Variants in WWOX observed in about 807,000 individuals in gnomAD.
WWOX encodes WW domain containing oxidoreductase.
WWOX carries 69 observed loss-of-function variants against 46.2 expected under a neutral mutation model. That is an observed-to-expected ratio of 1.49 (90% CI 1.23 to 1.82). WWOX has a LOEUF of 1.82. Among genes scored for constraint, WWOX ranks in the 40% most tolerant of loss-of-function variants. The probability of loss-of-function intolerance (pLI) is 0.00; values close to 1 mark genes in which losing one functional copy is unlikely to be tolerated. For synonymous variants in WWOX, 359 were observed against 202.6 expected (o/e 1.77, Z -6.56); for missense variants, 919 against 542.6 (o/e 1.69, Z -6.89).
chr16:78,155,641 A>G (rs1262344846), intron 4 of WWOX, among the ~76,000 whole-genome samples: 1 of 152,226 alleles, frequency 6.6e-6, no homozygotes, highest in East Asian at 1.9e-4. Context: ...CACTCTTGCC[A>G]TCTCCATGCA....
chr16:78,724,574 T>C (rs2048779310), intron 8 of WWOX, among the ~76,000 whole-genome samples: 2 of 152,200 alleles, frequency 1.3e-5, no homozygotes, highest in Non-Finnish European at 2.9e-5. Flanking sequence ...AGGAGGGGAA[T>C]TTGGGGACAT....
intron 8 of WWOX, among the ~76,000 whole-genome samples, chr16:78,663,485 A>G (rs1194206486): frequency 6.6e-6 from 1 of 152,176 alleles, no homozygotes; most frequent in Non-Finnish European, 1.5e-5. Context: ...ACATCTGGTT[A>G]CTTCTGGCTC....
At chr16:78,793,497 C>G (rs560106740) in intron 8 of WWOX, among the ~76,000 whole-genome samples, 3 of 152,274 alleles carry the variant, frequency 2.0e-5, no homozygotes, top group Non-Finnish European at 2.9e-5. Flanking sequence ...CCAGATATGG[C>G]TTCATTTTTT....
At chr16:78,684,792 C>G (rs1427449724) in intron 8 of WWOX, among the ~76,000 whole-genome samples, 1 of 152,198 alleles carries the variant, frequency 6.6e-6, no homozygotes, top group Non-Finnish European at 1.5e-5. Flanking sequence ...TTGAGCTTCT[C>G]TTTGTTCCCA....
chr16:79,029,598 C>A (rs1319586506), intron 8 of WWOX, among the ~76,000 whole-genome samples: 6 of 152,104 alleles, frequency 3.9e-5, no homozygotes, highest in Admixed American at 2.0e-4. Flanking sequence ...CCTCCTACCC[C>A]ACAAAGAAAG....
chr16:78,642,453 G>C (rs1223749799), intron 8 of WWOX, among the ~76,000 whole-genome samples: 1 of 152,096 alleles, frequency 6.6e-6, no homozygotes, highest in African/African-American at 2.4e-5. Flanking sequence ...GGCCCTGATG[G>C]AATCTGTCGA....
rs554790559 is a variant in WWOX at position 78,849,555 on chromosome 16, C to G, written c.1057-362053C>G. Among the ~76,000 whole-genome samples, 11 of 120,384 alleles carry G rather than the reference C, an allele frequency of 9.1e-5. No homozygotes were observed. The East Asian group carries it at 1.8e-3, about 20-fold the overall frequency. 79.0% of individuals were successfully genotyped at this position (120,384 alleles called of 152,430 possible). A position where few individuals can be genotyped will look rare whatever the true frequency, so the allele number is the denominator to read the frequency against. The stretch of plus-strand genomic sequence containing the variant: ...TGACACTGCACTCCGGCCTGGGTGA[C>G]AGAGCCTGAATCCCTCTCAAAAAAA... On this transcript the variant is annotated intron_variant, in intron 8 of 8. Coordinates refer to ENST00000566780, the MANE Select transcript of WWOX (RefSeq NM_016373.4).
chr16:78,865,374 G>A (rs1386550585), intron 8 of WWOX, among the ~76,000 whole-genome samples: 1 of 152,128 alleles, frequency 6.6e-6, no homozygotes, highest in Non-Finnish European at 1.5e-5. Flanking sequence ...CAGGTGAAGG[G>A]CAGATAGAGG....
At chr16:78,148,221 C>T (rs768881479) in intron 4 of WWOX, among the ~76,000 whole-genome samples, 1 of 152,104 alleles carries the variant, frequency 6.6e-6, no homozygotes, top group African/African-American at 2.4e-5. Flanking sequence ...TCTAAACAAC[C>T]AGAAACACTT....
At chr16:78,243,880 A>T (rs555093180) in intron 5 of WWOX, among the ~76,000 whole-genome samples, 3 of 152,180 alleles carry the variant, frequency 2.0e-5, no homozygotes, top group African/African-American at 7.2e-5. Context: ...TGTGTACTCA[A>T]TGCTCAGTTT....
chr16:78,422,776 TATATATATACACACAC>T (rs1186831775), intron 6 of WWOX, among the ~76,000 whole-genome samples: 4 of 111,510 alleles, frequency 3.6e-5, no homozygotes, highest in Non-Finnish European at 6.7e-5. Flanking sequence ...TATACACACA[TATATATATACACACAC>T]ACATATATAT....
intron 8 of WWOX, among the ~76,000 whole-genome samples, chr16:78,908,443 G>A (rs1318828030): frequency 2.0e-5 from 3 of 151,866 alleles, no homozygotes; most frequent in Non-Finnish European, 4.4e-5. Context: ...GGGAGGCAGA[G>A]GCAGGAGAAC....
chr16:78,426,016 C>T (rs754615000), intron 7 of WWOX, among the ~76,000 whole-genome samples: 56 of 152,146 alleles, frequency 3.7e-4, no homozygotes, highest in Admixed American at 9.8e-4. Context: ...CCCTTTATCA[C>T]TCCCAAACAC....
intron 5 of WWOX, among the ~76,000 whole-genome samples, chr16:78,308,871 G>T (rs937506247): frequency 6.6e-6 from 1 of 152,066 alleles, no homozygotes; most frequent in African/African-American, 2.4e-5. Context: ...GAAGATCCTT[G>T]AATCTACCTG....
rs1319560090 is a variant in WWOX, at chr16:78,422,882, C to CAT, written c.606-1987_606-1986insTA. 7.0e-4 allele frequency among the ~76,000 whole-genome samples: 90 copies of CAT among 129,222 alleles called. 3 individuals carry two copies. The highest frequency in any genetic ancestry group is 5.6e-4 in the Non-Finnish European group (35 of 63,052). The allele number at this position is 129,222 out of a possible 152,430, so 84.8% of individuals were successfully genotyped here. A position where few individuals can be genotyped will look rare whatever the true frequency, so the allele number is the denominator to read the frequency against. ...ACACACACACACACACACACACACA[C>CAT]ACATATATTTTTTTTTTCTTTTAGA... On this transcript the variant is annotated intron_variant, in intron 6 of 8. Coordinates refer to ENST00000566780, the MANE Select transcript of WWOX (RefSeq NM_016373.4).
chr16:78,626,684 G>C (rs1057117391), intron 8 of WWOX, among the ~76,000 whole-genome samples: 1 of 152,110 alleles, frequency 6.6e-6, no homozygotes, highest in Non-Finnish European at 1.5e-5. Context: ...GCTGTGCCCA[G>C]CTCATGCTTG....
At chr16:78,249,031 G>A (rs942258219) in intron 5 of WWOX, among the ~76,000 whole-genome samples, 1 of 151,826 alleles carries the variant, frequency 6.6e-6, no homozygotes. Flanking sequence ...TAATTTTTTT[G>A]TACTTTTAGT....
At chr16:78,164,814 C>G (rs772298717) in intron 5 of WWOX, among the ~76,000 whole-genome samples, 2 of 152,106 alleles carry the variant, frequency 1.3e-5, no homozygotes, top group African/African-American at 4.8e-5. Flanking sequence ...AAAAATAGAC[C>G]ATAATCAAGT....
At chr16:78,849,029 G>C (rs2151178008) in intron 8 of WWOX, among the ~76,000 whole-genome samples, 1 of 152,272 alleles carries the variant, frequency 6.6e-6, no homozygotes, top group South Asian at 2.1e-4. Context: ...TAGGATGGGT[G>C]GCCACCAGAC....
Sources: gnomAD v4.1 joint callset for allele counts (sites outside exome capture counted in the v4.1 genomes callset) on GRCh38, gnomAD v4.1.1 for gene constraint, MANE v1.5 for transcripts, NCBI Gene and HGNC (gene_info 2026-07-23, HGNC 2026-07-21) for gene names.